Variants in BRINP3 observed in about 807,000 individuals in gnomAD.
BRINP3 encodes BMP/retinoic acid inducible neural specific 3, also known as BMP/retinoic acid-inducible neural-specific protein 3.
A neutral mutation model predicts 71.0 loss-of-function variants in BRINP3; 19 were observed. The observed-to-expected ratio is 0.27, with a 90% CI of 0.19 to 0.39. The LOEUF (loss-of-function observed/expected upper bound fraction) is 0.39, where lower values mean the gene tolerates loss of function less well. BRINP3 is among the 10% of genes least tolerant of loss of function. The pLI is 1.00. For missense variants in BRINP3, 959 were observed against 940.8 expected (o/e 1.02, Z -0.25); for synonymous variants, 380 against 337.7 (o/e 1.13, Z -1.37).
intron 2 of BRINP3, among the ~76,000 whole-genome samples, chr1:190,417,648 C>A (rs369262450): frequency 3.3e-5 from 5 of 152,016 alleles, no homozygotes; most frequent in African/African-American, 1.2e-4. Context: ...AAATAATTGG[C>A]CCATCTCTAA....
chr1:190,270,758 A>C (rs1662038748), intron 3 of BRINP3, among the ~76,000 whole-genome samples: 1 of 151,632 alleles, frequency 6.6e-6, no homozygotes, highest in African/African-American at 2.4e-5. Flanking sequence ...GTAATTGGTA[A>C]GTTCATAACC....
chr1:190,235,770 C>T (rs1658457337), intron 4 of BRINP3, among the ~76,000 whole-genome samples: 1 of 151,976 alleles, frequency 6.6e-6, no homozygotes, highest in African/African-American at 2.4e-5. Flanking sequence ...CTTGGACTAA[C>T]CTACTTAAAG....
chr1:190,347,786 T>C (rs562872773), intron 2 of BRINP3, among the ~76,000 whole-genome samples: 6 of 152,250 alleles, frequency 3.9e-5, no homozygotes, highest in South Asian at 2.1e-4. Context: ...ATGCTTGGAA[T>C]AGAGCTTGCT....
At chr1:190,314,293 T>C (rs1311057309) in intron 2 of BRINP3, among the ~76,000 whole-genome samples, 2 of 152,040 alleles carry the variant, frequency 1.3e-5, no homozygotes, top group Admixed American at 6.6e-5. Context: ...GAAGTAAATA[T>C]TGGGTAAGCA....
At chr1:190,133,594 A>T (rs1034274498) in intron 7 of BRINP3, among the ~76,000 whole-genome samples, 6 of 152,224 alleles carry the variant, frequency 3.9e-5, no homozygotes, top group East Asian at 1.9e-4. Flanking sequence ...CAGCAATTAA[A>T]CATCAAACAA....
At chr1:190,415,681 A>T (rs1278968027) in intron 2 of BRINP3, among the ~76,000 whole-genome samples, 1 of 152,084 alleles carries the variant, frequency 6.6e-6, no homozygotes, top group African/African-American at 2.4e-5. Flanking sequence ...TGGGAGGATT[A>T]TGTGAGGCCA....
chr1:190,108,252 C>T (rs569268216), intron 7 of BRINP3, among the ~76,000 whole-genome samples: 14 of 151,972 alleles, frequency 9.2e-5, no homozygotes, highest in Non-Finnish European at 1.9e-4. Context: ...GAATCATAAC[C>T]GCATTAATAG....
chr1:190,347,509 C>T (rs558482332), intron 2 of BRINP3, among the ~76,000 whole-genome samples: 1 of 152,250 alleles, frequency 6.6e-6, no homozygotes, highest in Non-Finnish European at 1.5e-5. Flanking sequence ...AGGATTGAGA[C>T]TTTAATGGAC....
chr1:190,301,204 C>CATATATATATATATAT (rs369121473), intron 2 of BRINP3, among the ~76,000 whole-genome samples: 90 of 106,304 alleles, frequency 8.5e-4, no homozygotes, highest in Admixed American at 2.4e-3. Context: ...TATACACATA[C>CATATATATATATATAT]ATATATATAT....
chr1:190,470,746 T>C (rs1022070868), intron 1 of BRINP3, among the ~76,000 whole-genome samples: 2 of 151,098 alleles, frequency 1.3e-5, no homozygotes, highest in Non-Finnish European at 3.0e-5. Flanking sequence ...AATATAAACA[T>C]TTCAAAATTT....
At chr1:190,388,479 A>T (rs953011885) in intron 2 of BRINP3, among the ~76,000 whole-genome samples, 1 of 151,850 alleles carries the variant, frequency 6.6e-6, no homozygotes, top group Admixed American at 6.6e-5. Context: ...ACACAGAGAC[A>T]CAGAGAGTGA....
intron 6 of BRINP3, among the ~76,000 whole-genome samples, chr1:190,204,423 C>T (rs1192498024): frequency 1.4e-5 from 2 of 145,576 alleles, no homozygotes; most frequent in East Asian, 2.0e-4. Flanking sequence ...AATAAATTGA[C>T]TCATTCAAAT....
chr1:190,198,895 A>G (rs769419596), intron 6 of BRINP3, among the ~76,000 whole-genome samples: 4 of 152,126 alleles, frequency 2.6e-5, no homozygotes, highest in Non-Finnish European at 5.9e-5. Context: ...TGATATCTTA[A>G]CAGCAGCACC....
chr1:190,368,067 G>A lies in BRINP3; in HGVS notation c.237-86317C>T, dbSNP rs1669622458. ...CTTCAGAGCAGCACCCCACTACCCA[G>A]CACCGATGTACTGTATTTGTCCATT... On this transcript the variant is annotated intron_variant, in intron 2 of 7. Coordinates refer to ENST00000367462, the MANE Select transcript of BRINP3 (RefSeq NM_199051.3). 2.0e-5 allele frequency among the ~76,000 whole-genome samples: 3 copies of A among 152,166 alleles called. No individual in the cohort carries two copies. In the South Asian group the frequency reaches 6.2e-4, roughly 32 times the overall value.
intron 7 of BRINP3, among the ~76,000 whole-genome samples, chr1:190,132,175 G>A (rs1431901852): frequency 6.6e-6 from 1 of 151,998 alleles, no homozygotes; most frequent in East Asian, 1.9e-4. Flanking sequence ...TGATTCTGTA[G>A]ATTTGCATAT....
chr1:190,357,378 C>A (rs1253222006), intron 2 of BRINP3, among the ~76,000 whole-genome samples: 1 of 151,920 alleles, frequency 6.6e-6, no homozygotes, highest in East Asian at 1.9e-4. Context: ...TATTGCTTCA[C>A]TACTAATTTC....
At chr1:190,402,640 G>C (rs1024062033) in intron 2 of BRINP3, among the ~76,000 whole-genome samples, 5 of 152,120 alleles carry the variant, frequency 3.3e-5, no homozygotes, top group Non-Finnish European at 7.4e-5. Context: ...AAAATATATA[G>C]AGTTCAATGT....
chr1:190,159,701 A>T (rs1204678991), intron 7 of BRINP3, among the ~76,000 whole-genome samples: 2 of 152,028 alleles, frequency 1.3e-5, no homozygotes. Flanking sequence ...AAGGTTTATG[A>T]GGAGTGACTG....
intron 2 of BRINP3, among the ~76,000 whole-genome samples, chr1:190,404,136 A>G (rs552242507): frequency 6.6e-6 from 1 of 152,322 alleles, no homozygotes; most frequent in Non-Finnish European, 1.5e-5. Context: ...CATGCTCTTT[A>G]AGTCAAATCA....
Sources: allele counts gnomAD v4.1 joint callset (sites outside exome capture counted in the v4.1 genomes callset), GRCh38; gene constraint gnomAD v4.1.1; transcripts MANE v1.5; gene names NCBI Gene and HGNC (gene_info 2026-07-23, HGNC 2026-07-21).